USP34: variants seen among roughly 807,000 people sequenced by gnomAD.
USP34 encodes the protein ubiquitin specific peptidase 34, also known as ubiquitin carboxyl-terminal hydrolase 34.
In USP34, 70 loss-of-function variants were observed where a neutral mutation model predicts 460.3. The ratio of observed to expected loss-of-function variants is 0.15; its 90% CI spans 0.13 to 0.19. The LOEUF is 0.19. USP34 is among the 10% of genes least tolerant of loss of function. The pLI, the probability that USP34 is intolerant of heterozygous loss-of-function variation, is 1.00. For synonymous variants in USP34, 1,647 were observed against 1,405.3 expected, an observed-to-expected ratio of 1.17 and a Z score of -3.85; for missense variants, 3,985 against 4,236.2, an observed-to-expected ratio of 0.94 and a Z score of 1.65.
At chr2:61,391,987 T>G (rs1003017842) in intron 5 of USP34, among the ~76,000 whole-genome samples, 1 of 152,190 alleles carries the variant, frequency 6.6e-6, no homozygotes, top group Admixed American at 6.6e-5. Flanking sequence ...TAGTATAATT[T>G]TGCTTTAACG....
chr2:61,376,223 A>G (rs1433894045), intron 8 of USP34, among the ~76,000 whole-genome samples: 1 of 146,056 alleles, frequency 6.8e-6, no homozygotes, highest in African/African-American at 2.8e-5. Flanking sequence ...ATGTTAATAA[A>G]ACTGCTTAAA....
At chr2:61,458,923 G>A (rs540801286) in intron 1 of USP34, among the ~76,000 whole-genome samples, 144 of 152,186 alleles carry the variant, frequency 9.5e-4, no homozygotes, top group Middle Eastern at 3.4e-3. Context: ...AAAATGAGCC[G>A]GGCACAGTGG....
At chr2:61,385,671 C>CAAAAAAAAAAAAAAAAAAA (rs61200102) in intron 5 of USP34, among the ~76,000 whole-genome samples, 1 of 46,002 alleles carries the variant, frequency 2.2e-5, no homozygotes, top group Non-Finnish European at 3.7e-5. Context: ...GACTCTGTCT[C>CAAAAAAAAAAAAAAAAAAA]AAAAAAAAAA....
chr2:61,402,183 G>C (rs1387700941), intron 3 of USP34, among the ~76,000 whole-genome samples: 3 of 152,056 alleles, frequency 2.0e-5, no homozygotes, highest in Non-Finnish European at 4.4e-5. Flanking sequence ...AGGAGGCTGA[G>C]GTGGGTGGAT....
chr2:61,235,796 A>G (rs1274805696), intron 57 of USP34, 49 bp downstream of exon 57: 5 of 1,579,254 alleles, frequency 3.2e-6, no homozygotes, highest in Non-Finnish European at 4.3e-6. Flanking sequence ...AGGGGGGGAA[A>G]AAAAAAAGAA....
intron 10 of USP34, among the ~76,000 whole-genome samples, chr2:61,353,828 A>G: frequency 6.6e-6 from 1 of 152,212 alleles, no homozygotes. Flanking sequence ...AAGGGACAGA[A>G]ATTATAAAAA....
At chr2:61,465,343 C>A (rs1319827592) in intron 1 of USP34, among the ~76,000 whole-genome samples, 5 of 152,136 alleles carry the variant, frequency 3.3e-5, no homozygotes, top group Admixed American at 3.3e-4. Context: ...TTCAGATTCT[C>A]AGGACTAGAG....
intron 41 of USP34, among the ~76,000 whole-genome samples, chr2:61,269,605 T>C (rs1689153682): frequency 6.6e-6 from 1 of 152,098 alleles, no homozygotes. Flanking sequence ...AATTTACAAA[T>C]TTAAAAAATC....
Position 61,394,885 on chromosome 2 carries a change from T to G in USP34, c.721A>C (p.Ile241Leu), listed in dbSNP as rs1016713991. The G allele has an allele frequency of 4.4e-6, 7 of 1,596,420 alleles. No individual in the cohort carries two copies. Among genetic ancestry groups the G allele is most frequent in the Middle Eastern group, 1.7e-4 (1 of 5,998 alleles). ...YGTPETLPFL[I>L]AHAFITVVSN... ...ACAACTGTAATAAACGCATGTGCTA[T>G]AAGAAATGGCAAAGTTTCAGGAGTT... Residue 241 changes from isoleucine (I) to leucine (L), a missense_variant, in exon 5 of 80, where the codon ATA becomes CTA. By Grantham distance (5) the Ile-to-Leu change is conservative (BLOSUM62 2). Coordinates refer to ENST00000398571, the MANE Select transcript of USP34 (RefSeq NM_014709.4).
intron 16 of USP34, among the ~76,000 whole-genome samples, chr2:61,340,858 CTTT>C (rs5831606): frequency 1.0e-4 from 13 of 124,776 alleles, no homozygotes; most frequent in Middle Eastern, 8.3e-3. Context: ...TGTGGCTTGT[CTTT>C]TTTTTTTTTT....
chr2:61,264,064 C>G (rs1688975835), intron 43 of USP34, among the ~76,000 whole-genome samples: 1 of 152,132 alleles, frequency 6.6e-6, no homozygotes, highest in South Asian at 2.1e-4. Context: ...AAACATGCTT[C>G]TTTGATAACT....
intron 18 of USP34, among the ~76,000 whole-genome samples, chr2:61,338,708 C>CA (rs2103750584): frequency 6.6e-6 from 1 of 151,862 alleles, no homozygotes; most frequent in East Asian, 1.9e-4. Flanking sequence ...CACTGAAAAC[C>CA]AAGAAATGTG....
intron 53 of USP34, 24 bp from the exon 54 acceptor site, chr2:61,236,413 AGTG>A: frequency 1.3e-6 from 2 of 1,547,124 alleles, no homozygotes; most frequent in Non-Finnish European, 1.8e-6. Context: ...TGTTAACATT[AGTG>A]ATAAAGCAGT....
chr2:61,331,432 CTA>C, intron 19 of USP34, 61 bp from the exon 20 acceptor site: 3 of 1,332,734 alleles, frequency 2.3e-6, no homozygotes, highest in Non-Finnish European at 3.0e-6. Context: ...TAAATCTATG[CTA>C]TGACAGTAAA....
Position 61,370,309 on chromosome 2 carries a change from T to G in USP34, c.1251+12A>C. On this transcript the variant is annotated intron_variant, in intron 10 of 79. Transcript: ENST00000398571. ...AGCAAAGCACTCAATAAATGTGAGC[T>G]GTTAATATTACCTGTGCTGCAGCCC... 1 of 1,611,664 alleles carries G rather than the reference T, an allele frequency of 6.2e-7. No homozygotes were observed. Among genetic ancestry groups the G allele is most frequent in the South Asian group, 1.1e-5 (1 of 90,636 alleles).
At chr2:61,254,985 G>A (rs1010364373) in intron 48 of USP34, among the ~76,000 whole-genome samples, 3 of 152,258 alleles carry the variant, frequency 2.0e-5, no homozygotes, top group Non-Finnish European at 2.9e-5. Context: ...AGCTGAGACT[G>A]TAAGTGCATG....
intron 75 of USP34, among the ~76,000 whole-genome samples, chr2:61,196,564 T>A (rs900754096): frequency 1.3e-5 from 2 of 151,744 alleles, no homozygotes; most frequent in East Asian, 3.9e-4. Flanking sequence ...ACAGTCTCAC[T>A]CTGTTGCCCA....
intron 22 of USP34, among the ~76,000 whole-genome samples, 168 bp from the exon 23 acceptor site, chr2:61,317,935 G>C (rs1690800658): frequency 6.6e-6 from 1 of 151,948 alleles, no homozygotes; most frequent in South Asian, 2.1e-4. Context: ...GCTGGGCACG[G>C]TGGCTCAGTA....
intron 3 of USP34, among the ~76,000 whole-genome samples, chr2:61,400,928 G>A (rs1693697458): frequency 6.6e-6 from 1 of 151,966 alleles, no homozygotes; most frequent in Non-Finnish European, 1.5e-5. Context: ...GAGACAGGCA[G>A]GTCACAAGAT....
Sources: allele counts gnomAD v4.1 joint callset (sites outside exome capture counted in the v4.1 genomes callset), GRCh38; gene constraint gnomAD v4.1.1; transcripts MANE v1.5; gene names NCBI Gene and HGNC (gene_info 2026-07-23, HGNC 2026-07-21).